RSL1D1: variants seen among roughly 807,000 people sequenced by gnomAD.
RSL1D1 encodes ribosomal L1 domain containing 1.
A neutral mutation model predicts 44.6 loss-of-function variants in RSL1D1; 34 were observed. The ratio of observed to expected loss-of-function variants is 0.76; its 90% CI spans 0.58 to 1.02. RSL1D1 has a LOEUF of 1.02. RSL1D1 is among the 50% of genes least tolerant of loss of function. The pLI, the probability that RSL1D1 is intolerant of heterozygous loss-of-function variation, is 0.00. For missense variants in RSL1D1, 767 were observed against 568.1 expected (o/e 1.35, Z -3.56); for synonymous variants, 271 against 207.4 (o/e 1.31, Z -2.63).
chr16:11,842,024 C>A, intron 5 of RSL1D1, 24 bp from the exon 6 acceptor site: 2 of 1,536,542 alleles, frequency 1.3e-6, no homozygotes, highest in Non-Finnish European at 1.8e-6. Context: ...TAGTATTAGA[C>A]AAGATTTTAA....
chr16:11,845,233 G>A (rs192072123), intron 5 of RSL1D1, among the ~76,000 whole-genome samples: 5 of 152,270 alleles, frequency 3.3e-5, no homozygotes, highest in East Asian at 3.9e-4. Context: ...CAGGAGGACC[G>A]GTTTTGTCTA....
intron 5 of RSL1D1, among the ~76,000 whole-genome samples, chr16:11,844,531 C>T (rs898007679): frequency 3.3e-5 from 5 of 152,204 alleles, no homozygotes; most frequent in African/African-American, 9.7e-5. Context: ...TAGGCTACTT[C>T]ATTACACCTG....
At chr16:11,838,541 C>A (rs1381712591) in intron 8 of RSL1D1, among the ~76,000 whole-genome samples, 3 of 151,986 alleles carry the variant, frequency 2.0e-5, no homozygotes, top group Non-Finnish European at 2.9e-5. Flanking sequence ...AGTATGATGA[C>A]AGAAATAAGC....
rs778529014 is a variant in RSL1D1 at position 11,846,507 on chromosome 16, G to C, written c.629C>G (p.Ser210Cys). ...ATGAATGCCTTTTACCTACCTGCAA[G>C]AACCACTTTTAGAAATGTTTAAGAC... ...GTVLNISKSG[S>C]CSAIRIGHVG... The change falls in exon 5 of 9, where the codon TCT becomes TGT. Residue 210 changes from serine to cysteine, a missense_variant. Coordinates refer to ENST00000571133, the MANE Select transcript of RSL1D1 (RefSeq NM_015659.3). The C allele has an allele frequency of 4.5e-6, 7 of 1,553,280 alleles. No individual in the cohort carries two copies. The Admixed American group carries it at 6.0e-5, about 13-fold the overall frequency.
Position 11,842,084 on chromosome 16 carries a change from C to T in RSL1D1, c.636-84G>A, listed in dbSNP as rs1165996077. On this transcript the variant is annotated intron_variant, in intron 5 of 8. Coordinates refer to ENST00000571133, the MANE Select transcript of RSL1D1 (RefSeq NM_015659.3). ...GGCAGGTATATGAGAAATATAAATA[C>T]ATAATCCTCAAGTTTTTCTTTTTCT... is the stretch of plus-strand genomic sequence containing the variant. 3 of 949,072 alleles carry T rather than the reference C, an allele frequency of 3.2e-6. No homozygotes were observed. In the South Asian group the frequency reaches 4.8e-5, roughly 15 times the overall value. The allele number at this position is 949,072 out of a possible 1,614,324, so 58.8% of individuals were successfully genotyped here. A position where few individuals can be genotyped will look rare whatever the true frequency, so the allele number is the denominator to read the frequency against.
At chr16:11,841,613 G>A (rs949425612) in intron 7 of RSL1D1, 82 bp downstream of exon 7, 6 of 1,310,150 alleles carry the variant, frequency 4.6e-6, no homozygotes, top group East Asian at 2.3e-5. Context: ...AAGTCGGGCA[G>A]CGATGATGGT....
chr16:11,837,838 G>C lies in RSL1D1; in HGVS notation c.1422C>G (p.Ser474=), dbSNP rs138858585. 18 of 1,613,272 alleles carry C rather than the reference G, an allele frequency of 1.1e-5. No individual in the cohort carries two copies. In the African/African-American group the frequency reaches 1.5e-4, roughly 13 times the overall value. Residue 474 remains serine, a synonymous_variant, in exon 9 of 9, where the codon TCC becomes TCG. Transcript: ENST00000571133. Reference sequence around the variant, plus strand: ...TTTTGGGCCATTTTTTGGGGGTGTGGGAAGCTTTTCTCACAGATTTACTAG... The same window carrying C: ...TTTTGGGCCATTTTTTGGGGGTGTGCGAAGCTTTTCTCACAGATTTACTAG... ...TTPSKSVRKA[S]HTPKKWPKKP... is the part of the protein sequence containing the mutation.
In RSL1D1 at chr16:11,837,958, G is replaced by T. The variant is rs752248090; in HGVS notation, c.1302C>A (p.Ile434=). Residue 434 remains isoleucine (I), a synonymous_variant, in exon 9 of 9, where the codon ATC becomes ATA. Coordinates refer to ENST00000571133, the MANE Select transcript of RSL1D1 (RefSeq NM_015659.3). Reference sequence around the variant, plus strand: ...TTTTTTCCTTCACTGCCTCTTCTTTGATTTTTGGCTTCTTCTCTGGGCTTT... The same window carrying T: ...TTTTTTCCTTCACTGCCTCTTCTTTTATTTTTGGCTTCTTCTCTGGGCTTT... ...PGKSPEKKPK[I]KEEAVKEKSP... The T allele has an allele frequency of 1.7e-5, 27 of 1,613,702 alleles. No homozygotes were observed. Among genetic ancestry groups the T allele is most frequent in the Non-Finnish European group, 2.1e-5 (25 of 1,179,996 alleles).
chr16:11,848,194 A>C (rs1289513572), intron 2 of RSL1D1, among the ~76,000 whole-genome samples: 2 of 152,156 alleles, frequency 1.3e-5, no homozygotes, highest in African/African-American at 4.8e-5. Context: ...TGGAGGTTGC[A>C]GTGAGCCAAG....
At chr16:11,846,297 A>G (rs917769182) in intron 5 of RSL1D1, among the ~76,000 whole-genome samples, 3 of 151,102 alleles carry the variant, frequency 2.0e-5, no homozygotes, top group Non-Finnish European at 4.4e-5. Flanking sequence ...CGGGAGGCTG[A>G]GGCAGGAGAA....
At chr16:11,842,653 CAT>C (rs36049546) in intron 5 of RSL1D1, among the ~76,000 whole-genome samples, 9,273 of 152,126 alleles carry the variant, frequency 0.061, 537 homozygotes, top group East Asian at 0.17. Flanking sequence ...GGATTATACA[CAT>C]GAGTCACCAC....
chr16:11,845,011 G>C (rs528397622), intron 5 of RSL1D1, among the ~76,000 whole-genome samples: 95 of 152,280 alleles, frequency 6.2e-4, no homozygotes, highest in African/African-American at 2.3e-3. Flanking sequence ...GCTCCGCCTA[G>C]CTCAGTATCC....
chr16:11,838,925 C>G (rs1212060367), intron 8 of RSL1D1, among the ~76,000 whole-genome samples: 1 of 151,648 alleles, frequency 6.6e-6, no homozygotes, highest in East Asian at 1.9e-4. Context: ...GGAAAACCAC[C>G]TTTCCCTATG....
At position 11,841,727 on chromosome 16, in the gene RSL1D1, T is replaced by C; in HGVS notation, c.823A>G (p.Thr275Ala). The change falls in exon 7 of 9, where the codon ACC becomes GCC. Residue 275 changes from threonine (T) to alanine (A), a missense_variant. Physicochemically the swap from Thr to Ala is moderately conservative, Grantham distance 58. Coordinates refer to ENST00000571133, the MANE Select transcript of RSL1D1 (RefSeq NM_015659.3). ...TTCTTATTAAGCAAAGATCTTTTGG[T>C]GGCTTCATCCCAATTGCTGACAAAC... is the stretch of plus-strand genomic sequence containing the variant. Reference protein sequence around the residue: ...SSFVSNWDEATKRSLLNKKKK... With the variant: ...SSFVSNWDEAAKRSLLNKKKK... 1.2e-6 allele frequency: 2 copies of C among 1,613,552 alleles called. No individual in the cohort carries two copies. Among genetic ancestry groups the C allele is most frequent in the Non-Finnish European group, 1.7e-6 (2 of 1,179,840 alleles).
In RSL1D1 at chr16:11,851,456, G is replaced by C. The variant is rs748568398; in HGVS notation, c.57C>G (p.Thr19=). Residue 19 remains threonine, a synonymous_variant, in exon 1 of 9, where the codon ACC becomes ACG. Transcript: ENST00000571133. ...LSSAAATGTS[T]STPAAPTARK... ...GTGCTGTCGGGGCCGCTGGAGTCGA[G>C]GTGGAGGTTCCAGTAGCGGCTGCAG... The C allele has an allele frequency of 1.2e-6, 2 of 1,614,126 alleles. No individual in the cohort carries two copies. The highest frequency in any genetic ancestry group is 2.2e-5 in the East Asian group (1 of 44,878).
At chr16:11,844,605 A>G (rs1243439192) in intron 5 of RSL1D1, among the ~76,000 whole-genome samples, 1 of 152,050 alleles carries the variant, frequency 6.6e-6, no homozygotes, top group Non-Finnish European at 1.5e-5. Context: ...GCCCACCAGT[A>G]CCCTGCTCTG....
intron 8 of RSL1D1, among the ~76,000 whole-genome samples, chr16:11,838,902 T>C (rs1243350448): frequency 2.0e-5 from 3 of 149,014 alleles, no homozygotes; most frequent in African/African-American, 7.5e-5. Context: ...GAGGTCTTCC[T>C]GGTCCAATCA....
rs186948531 is a variant in RSL1D1 at position 11,840,852 on chromosome 16, C to A, written c.855+843G>T. Among the ~76,000 whole-genome samples, 27 of 152,296 alleles carry A rather than the reference C, an allele frequency of 1.8e-4. 1 individual carries two copies. In the East Asian group the frequency reaches 4.8e-3, roughly 27 times the overall value. ...TGTATGAGTTTGTCCTGTGATGAAA[C>A]AGCGCCTTTTCTAGGGTTGGCTCTT... On this transcript the variant is annotated intron_variant, in intron 7 of 8. Transcript: ENST00000571133.
At position 11,838,055 on chromosome 16, in the gene RSL1D1, G is replaced by C. The variant is rs770668458; in HGVS notation, c.1205C>G (p.Pro402Arg). ...CAAAGCCTTTCTTTTCTTCCCACGA[G>C]GTGTGCTGGGATTAGGACTCTTTGC... ...SPAKSPNPST[P>R]RGKKRKALPA... The change falls in exon 9 of 9, where the codon CCT becomes CGT. Residue 402 changes from proline (P) to arginine (R), a missense_variant. By Grantham distance (103) the Pro-to-Arg change is moderately radical. Coordinates refer to ENST00000571133, the MANE Select transcript of RSL1D1 (RefSeq NM_015659.3). The C allele has an allele frequency of 6.2e-7, 1 of 1,613,190 alleles. No individual in the cohort carries two copies. The highest frequency in any genetic ancestry group is 2.2e-5 in the East Asian group (1 of 44,878).
Sources: gnomAD v4.1 joint callset for allele counts (sites outside exome capture counted in the v4.1 genomes callset) on GRCh38, gnomAD v4.1.1 for gene constraint, MANE v1.5 for transcripts, NCBI Gene and HGNC (gene_info 2026-07-23, HGNC 2026-07-21) for gene names.